NGEF: variants seen among roughly 807,000 people sequenced by gnomAD.
NGEF encodes the protein neuronal guanine nucleotide exchange factor, also known as ephexin-1.
Under a neutral mutation model 80.9 loss-of-function variants are expected in NGEF, and 31 were observed. The observed-to-expected ratio is 0.38, with a 90% CI of 0.29 to 0.52. The LOEUF is 0.52. NGEF is among the 20% of genes least tolerant of loss of function. The pLI is 0.84. For missense variants in NGEF, 709 were observed against 926.2 expected (o/e 0.77, Z 3.04); for synonymous variants, 371 against 370.2 (o/e 1.00, Z -0.03).
intron 9 of NGEF, among the ~76,000 whole-genome samples, chr2:232,887,753 A>G (rs1227040979): frequency 2.0e-5 from 3 of 152,186 alleles, no homozygotes; most frequent in African/African-American, 7.2e-5. Flanking sequence ...CCTGAGAGCC[A>G]CGCTGCTGTC....
chr2:232,999,618 A>G (rs1694927773), intron 1 of NGEF, among the ~76,000 whole-genome samples: 1 of 152,202 alleles, frequency 6.6e-6, no homozygotes, highest in Non-Finnish European at 1.5e-5. Flanking sequence ...CAAGGATTGC[A>G]CCTTCTAGGA....
At chr2:232,936,253 C>A (rs1484125544) in intron 3 of NGEF, among the ~76,000 whole-genome samples, 1 of 152,154 alleles carries the variant, frequency 6.6e-6, no homozygotes, top group Admixed American at 6.5e-5. Flanking sequence ...GAGATTTTTC[C>A]TTACTTTTCA....
At chr2:232,909,353 A>G (rs1692644457) in intron 5 of NGEF, among the ~76,000 whole-genome samples, 1 of 152,204 alleles carries the variant, frequency 6.6e-6, no homozygotes, top group African/African-American at 2.4e-5. Flanking sequence ...ATATTAAACT[A>G]TCTTTGCATT....
intron 1 of NGEF, among the ~76,000 whole-genome samples, chr2:232,979,052 A>G (rs1003858487): frequency 1.3e-5 from 2 of 152,072 alleles, no homozygotes; most frequent in Non-Finnish European, 2.9e-5. Context: ...CCCACACCAT[A>G]TACCACCAAG....
chr2:232,999,145 G>A (rs1456136314), intron 1 of NGEF, among the ~76,000 whole-genome samples: 1 of 152,136 alleles, frequency 6.6e-6, no homozygotes, highest in South Asian at 2.1e-4. Context: ...ATACTGCAGG[G>A]ATTAAATGAG....
chr2:232,974,927 G>C lies in NGEF; in HGVS notation c.-37C>G, dbSNP rs771459855. The C allele has an allele frequency of 6.3e-7, 1 of 1,595,074 alleles. No individual in the cohort carries two copies. Among genetic ancestry groups the C allele is most frequent in the Non-Finnish European group, 8.5e-7 (1 of 1,172,362 alleles). On this transcript the variant is annotated 5_prime_UTR_variant, in exon 2 of 15. Transcript: ENST00000264051. ...CAGATGTTTCTCAGCAGAACGACTG[G>C]AGGTCAATGACTTTCCCAAGCTTCA...
intron 8 of NGEF, among the ~76,000 whole-genome samples, chr2:232,889,058 C>T (rs902742531): frequency 6.6e-6 from 1 of 152,150 alleles, no homozygotes; most frequent in Admixed American, 6.5e-5. Flanking sequence ...CTGACAGCAG[C>T]CCAGGCCTCT....
At position 232,920,501 on chromosome 2, in the gene NGEF, T is replaced by A; in HGVS notation, c.611A>T (p.Asn204Ile). Residue 204 changes from asparagine (N) to isoleucine (I), a missense_variant, in exon 5 of 15, where the codon AAT (asparagine) becomes ATT (isoleucine). By Grantham distance (149) the Asn-to-Ile change is moderately radical. Transcript: ENST00000264051. Reference sequence around the variant, plus strand: ...CTCACTGGCCGGGGACCCATTGGTATTGTCTTCTATTTCTGCATCCTGTTG... The same window carrying A: ...CTCACTGGCCGGGGACCCATTGGTAATGTCTTCTATTTCTGCATCCTGTTG... The part of the protein sequence containing the change: ...RRQQDAEIED[N>I]TNGSPASEDT... 3 of 1,601,122 alleles carry A rather than the reference T, an allele frequency of 1.9e-6. No individual in the cohort carries two copies.
intron 1 of NGEF, among the ~76,000 whole-genome samples, chr2:232,986,000 T>C (rs565755394): frequency 6.6e-6 from 1 of 151,978 alleles, no homozygotes; most frequent in Non-Finnish European, 1.5e-5. Context: ...AGCAGGCTCT[T>C]CCACTAAATA....
chr2:232,895,050 G>A, intron 5 of NGEF, 134 bp from the exon 6 acceptor site: 2 of 975,620 alleles, frequency 2.0e-6, no homozygotes, highest in Non-Finnish European at 3.0e-6. Flanking sequence ...CCTGGGGCCT[G>A]GGATGGCTGC....
intron 2 of NGEF, among the ~76,000 whole-genome samples, chr2:232,973,627 C>T (rs1365635179): frequency 2.6e-5 from 4 of 152,162 alleles, no homozygotes; most frequent in Non-Finnish European, 5.9e-5. Context: ...TGAGAGACCA[C>T]GTGGAGCAGA....
At chr2:232,907,891 C>A (rs1692605386) in intron 5 of NGEF, among the ~76,000 whole-genome samples, 1 of 152,112 alleles carries the variant, frequency 6.6e-6, no homozygotes, top group African/African-American at 2.4e-5. Flanking sequence ...GGGACAACAC[C>A]TGAGGTCAAG....
In NGEF at chr2:232,892,432, A is replaced by C. The variant is rs1460555241; in HGVS notation, c.1142+466T>G. 6.6e-6 allele frequency among the ~76,000 whole-genome samples: 1 copy of C among 152,114 alleles called. No homozygotes were observed. The highest frequency in any genetic ancestry group is 2.4e-5 in the African/African-American group (1 of 41,424). ...TTACCTTGTCAACTAAACCTCAGAG[A>C]AAGTTTACAAAATGGGCAGATTAGC... On this transcript the variant is annotated intron_variant, in intron 7 of 14. Transcript: ENST00000264051. This position sits in a 1 kb window ranked among gnomAD's most constrained non-coding sequence, Gnocchi z 4.0.
chr2:232,906,779 T>A (rs1260720674), intron 5 of NGEF, among the ~76,000 whole-genome samples: 1 of 151,500 alleles, frequency 6.6e-6, no homozygotes, highest in Non-Finnish European at 1.5e-5. Flanking sequence ...ATCGGATGGT[T>A]GCGGTGTCTG....
chr2:232,983,066 C>G (rs1426741295), intron 1 of NGEF, among the ~76,000 whole-genome samples: 4 of 152,204 alleles, frequency 2.6e-5, no homozygotes, highest in African/African-American at 9.7e-5. Context: ...AGCTGTCACC[C>G]TGCCCTGGGG....
At chr2:232,944,921 T>A (rs867993033) in intron 3 of NGEF, among the ~76,000 whole-genome samples, 1 of 151,424 alleles carries the variant, frequency 6.6e-6, no homozygotes, top group Non-Finnish European at 1.5e-5. Context: ...CGGCCTAATT[T>A]TTGTATTTTT....
intron 14 of NGEF, among the ~76,000 whole-genome samples, chr2:232,880,879 G>A (rs1014321203): frequency 2.0e-5 from 3 of 152,216 alleles, no homozygotes; most frequent in Non-Finnish European, 4.4e-5. Context: ...CCACCCGCTT[G>A]GGCTGGGCCC....
chr2:232,991,424 CAAAT>C (rs1361758058), intron 1 of NGEF, among the ~76,000 whole-genome samples: 6 of 151,312 alleles, frequency 4.0e-5, no homozygotes, highest in Admixed American at 2.6e-4. Flanking sequence ...TCAATATACA[CAAAT>C]TAATTGTATT....
At chr2:233,010,086 T>C (rs1268006794) in intron 1 of NGEF, among the ~76,000 whole-genome samples, 1 of 151,934 alleles carries the variant, frequency 6.6e-6, no homozygotes, top group African/African-American at 2.4e-5. Context: ...AGAGATGGGG[T>C]TTCACTATGT....
Sources: gnomAD v4.1 joint callset for allele counts (sites outside exome capture counted in the v4.1 genomes callset) on GRCh38, gnomAD v4.1.1 for gene constraint, Gnocchi (gnomAD v3.1) non-coding constraint, MANE v1.5 for transcripts, NCBI Gene and HGNC (gene_info 2026-07-23, HGNC 2026-07-21) for gene names.